PRDM15: variants seen among roughly 807,000 people sequenced by gnomAD.
PRDM15 encodes PR domain zinc finger protein 15.
Under a neutral mutation model 128.6 loss-of-function variants are expected in PRDM15, and 64 were observed. The observed-to-expected ratio is 0.50, with a 90% confidence interval of 0.41 to 0.61. The LOEUF (loss-of-function observed/expected upper bound fraction) is 0.61. Among genes scored for constraint, PRDM15 ranks in the 20% least tolerant of loss-of-function variants. The pLI is 0.00. For synonymous variants in PRDM15, 615 were observed against 621.8 expected, an observed-to-expected ratio of 0.99 and a Z score of 0.16; for missense variants, 1,242 against 1,569.1, an observed-to-expected ratio of 0.79 and a Z score of 3.52.
chr21:41,823,227 CCA>C (rs1568926860), intron 14 of PRDM15, 89 bp downstream of exon 14: 1 of 1,509,160 alleles, frequency 6.6e-7, no homozygotes, highest in East Asian at 2.4e-5. Context: ...GCTGCCCTGC[CCA>C]CAGAACTCTG....
intron 21 of PRDM15, among the ~76,000 whole-genome samples, chr21:41,806,426 AT>A (rs1453954948): frequency 0.021 from 1,491 of 72,658 alleles, 66 homozygotes; most frequent in Non-Finnish European, 0.029. Context: ...CACCACCACC[AT>A]CACCACCACC....
chr21:41,854,437 T>A lies in PRDM15; in HGVS notation c.538+129A>T. ...GACCCGACTCTCCACTCCTCCACTC[T>A]CCGCATCCCAGCAGCTGGCCCAGCC... On this transcript the variant is annotated intron_variant, in intron 5 of 23. Coordinates refer to ENST00000398548, the MANE Select transcript of PRDM15 (RefSeq NM_001040424.3). This position sits in a 1 kb window ranked among gnomAD's most constrained non-coding sequence, Gnocchi z 4.6. 2 of 1,214,552 alleles carry A rather than the reference T, an allele frequency of 1.6e-6. No individual in the cohort carries two copies. Among genetic ancestry groups the A allele is most frequent in the Non-Finnish European group, 2.3e-6 (2 of 878,806 alleles). 75.2% of individuals were successfully genotyped at this position (1,214,552 alleles called of 1,614,324 possible).
At position 41,816,496 on chromosome 21, in the gene PRDM15, C is replaced by T. The variant is rs886180438; in HGVS notation, c.2261-660G>A. ...AGCCCAAAGGCAGCCTCCCCAGCCC[C>T]GAAGAGGCGCCTTCACTGTGCCTGC... On this transcript the variant is annotated intron_variant, in intron 18 of 23. Coordinates refer to ENST00000398548, the MANE Select transcript of PRDM15 (RefSeq NM_001040424.3). Among the ~76,000 whole-genome samples the T allele has an allele frequency of 2.0e-5, 3 of 152,166 alleles. No homozygotes were observed. In the South Asian group the frequency reaches 6.2e-4, roughly 32 times the overall value.
At chr21:41,829,028 C>T (rs1018942458) in intron 11 of PRDM15, among the ~76,000 whole-genome samples, 37 of 148,214 alleles carry the variant, frequency 2.5e-4, no homozygotes, top group Admixed American at 1.2e-3. Context: ...ACACACTACA[C>T]ACACACGCCC....
chr21:41,856,122 C>T (rs1323853529), intron 4 of PRDM15, among the ~76,000 whole-genome samples: 2 of 8,908 alleles, frequency 2.2e-4, no homozygotes, highest in Non-Finnish European at 4.0e-4. Context: ...TCCTTCCCTC[C>T]CTCCCCTCCC....
chr21:41,878,914 G>C, intron 1 of PRDM15: 2 of 954,166 alleles, frequency 2.1e-6, no homozygotes, highest in South Asian at 9.6e-5. Flanking sequence ...CCCCGCGCTG[G>C]GCCTGGCCGC....
chr21:41,853,357 G>A (rs537654818), intron 5 of PRDM15, among the ~76,000 whole-genome samples: 3 of 152,298 alleles, frequency 2.0e-5, no homozygotes, highest in African/African-American at 7.2e-5. Flanking sequence ...TATAAAACAA[G>A]GAAACAATGC....
intron 13 of PRDM15, among the ~76,000 whole-genome samples, chr21:41,824,278 T>C (rs28480374): frequency 0.61 from 93,018 of 151,990 alleles, 28,697 homozygotes; most frequent in Admixed American, 0.67. Context: ...GCAGATGACT[T>C]GGGCTGACAG....
chr21:41,827,160 A>G (rs1020676871), intron 12 of PRDM15, among the ~76,000 whole-genome samples: 1 of 152,200 alleles, frequency 6.6e-6, no homozygotes, highest in Non-Finnish European at 1.5e-5. Flanking sequence ...GTTTGATTCG[A>G]GAGGCCCTAA....
intron 11 of PRDM15, among the ~76,000 whole-genome samples, chr21:41,830,456 CCA>C (rs1163743520): frequency 4.0e-5 from 6 of 151,402 alleles, no homozygotes; most frequent in South Asian, 2.1e-4. Context: ...TGAACACATA[CCA>C]CACACATACA....
chr21:41,815,522 G>A lies in PRDM15; in HGVS notation c.2392+183C>T, dbSNP rs964846408. Among the ~76,000 whole-genome samples the A allele has an allele frequency of 6.6e-5, 10 of 152,324 alleles. 2 individuals are homozygous for A. Among genetic ancestry groups the A allele is most frequent in the Admixed American group, 1.3e-4 (2 of 15,306 alleles). ...CTCCGGTGACGAGGCCCCTGTGGGA[G>A]GGGGACCTTTTGAGATATGCAGCTG... On this transcript the variant is annotated intron_variant, in intron 19 of 23. Coordinates refer to ENST00000398548, the MANE Select transcript of PRDM15 (RefSeq NM_001040424.3).
Position 41,799,501 on chromosome 21 carries a change from G to C in PRDM15, c.*1739C>G, listed in dbSNP as rs533017149. The C allele has an allele frequency of 2.0e-5, 3 of 152,204 alleles. No homozygotes were observed. Among genetic ancestry groups the C allele is most frequent in the Non-Finnish European group, 2.9e-5 (2 of 68,036 alleles). The allele number at this position is 152,204 out of a possible 1,614,324, so 9.4% of individuals were successfully genotyped here. On this transcript the variant is annotated 3_prime_UTR_variant, in exon 24 of 24. Transcript: ENST00000398548. ...CAACTGAGAGGTGAGAGCTAGGCGC[G>C]AGTGATGGTGGGTAAGGTGAGGAGG...
At chr21:41,846,657 A>G (rs528762962) in intron 6 of PRDM15, among the ~76,000 whole-genome samples, 3 of 152,356 alleles carry the variant, frequency 2.0e-5, no homozygotes, top group African/African-American at 7.2e-5. Context: ...CGATCATGCC[A>G]CTGCACTCCA....
Position 41,874,525 on chromosome 21 carries a change from A to ATATATATATTTTTTT in PRDM15, c.-10+4744_-10+4745insAAAAAAATATATATA. 2.8e-4 allele frequency among the ~76,000 whole-genome samples: 27 copies of ATATATATATTTTTTT among 95,800 alleles called. No individual in the cohort carries two copies. In the South Asian group the frequency reaches 4.4e-3, roughly 16 times the overall value. 62.8% of individuals were successfully genotyped at this position (95,800 alleles called of 152,430 possible). On this transcript the variant is annotated intron_variant, in intron 1 of 23. Coordinates refer to ENST00000398548, the MANE Select transcript of PRDM15 (RefSeq NM_001040424.3). Reference sequence around the variant, plus strand: ...TGCATATATATATATATATATATATATTTTTTTTTTTTTTTGAAACTTACA... The same window carrying ATATATATATTTTTTT: ...TGCATATATATATATATATATATATATATATATATTTTTTTTTTTTTTTTTTTTTTGAAACTTACA...
At chr21:41,804,484 T>G (rs1345106954) in intron 22 of PRDM15, 50 bp downstream of exon 22, 2 of 1,390,716 alleles carry the variant, frequency 1.4e-6, no homozygotes, top group East Asian at 2.5e-5. Context: ...CTTCTGCAGG[T>G]GTCCACTTAC....
intron 19 of PRDM15, chr21:41,813,914 C>T (rs1039616128): frequency 7.0e-6 from 1 of 142,176 alleles, no homozygotes; most frequent in East Asian, 2.1e-4. Flanking sequence ...GCAGGGTGCT[C>T]TAGTGTTTTA....
chr21:41,838,782 A>T (rs1211760321), intron 7 of PRDM15, among the ~76,000 whole-genome samples: 1 of 152,250 alleles, frequency 6.6e-6, no homozygotes, highest in Non-Finnish European at 1.5e-5. Flanking sequence ...CCCACAGCAG[A>T]AAAGGGGAGG....
chr21:41,823,383 C>T lies in PRDM15; in HGVS notation c.1696G>A (p.Glu566Lys). Reference protein sequence around the residue: ...LTHGDKKYTCEICGRKFFRVD... With the variant: ...LTHGDKKYTCKICGRKFFRVD... ...CGGAAGAACTTGCGCCCGCAGATCTCGCAGGTGTACTTCTTGTCGCCGTGG... is the reference window on the plus strand; with the variant it reads ...CGGAAGAACTTGCGCCCGCAGATCTTGCAGGTGTACTTCTTGTCGCCGTGG... The change falls in exon 14 of 24, where the codon GAG (glutamate) becomes AAG (lysine). Residue 566 changes from glutamate to lysine, a missense_variant. Transcript: ENST00000398548. 1 of 1,584,454 alleles carries T rather than the reference C, an allele frequency of 6.3e-7. No individual in the cohort carries two copies. The highest frequency in any genetic ancestry group is 8.6e-7 in the Non-Finnish European group (1 of 1,165,798).
intron 1 of PRDM15, among the ~76,000 whole-genome samples, chr21:41,865,206 C>A (rs916454370): frequency 6.6e-6 from 1 of 151,600 alleles, no homozygotes; most frequent in Non-Finnish European, 1.5e-5. Flanking sequence ...CTCTGCCATG[C>A]CTGCTCACTC....
Sources: gnomAD v4.1 joint callset for allele counts (sites outside exome capture counted in the v4.1 genomes callset) on GRCh38, gnomAD v4.1.1 for gene constraint, Gnocchi (gnomAD v3.1) non-coding constraint, MANE v1.5 for transcripts, NCBI Gene and HGNC (gene_info 2026-07-23, HGNC 2026-07-21) for gene names.